Variants in PTPRN2 observed in about 807,000 individuals in gnomAD.
PTPRN2 encodes the protein protein tyrosine phosphatase receptor type N2.
PTPRN2 carries 74 observed loss-of-function variants against 118.8 expected under a neutral mutation model. The observed-to-expected ratio is 0.62, with a 90% confidence interval of 0.52 to 0.76. The LOEUF is 0.76. Ranked by LOEUF, PTPRN2 falls within the 30% of genes least tolerant of loss-of-function variation. PTPRN2 has a pLI of 0.00. For missense variants in PTPRN2, 1,481 were observed against 1,394.4 expected (o/e 1.06, Z -0.99); for synonymous variants, 641 against 608.0 (o/e 1.05, Z -0.80).
At chr7:158,070,520 C>CTG (rs1811197966) in intron 11 of PTPRN2, among the ~76,000 whole-genome samples, 1 of 73,216 alleles carries the variant, frequency 1.4e-5, no homozygotes, top group Non-Finnish European at 2.4e-5. Context: ...GGAGGTGCTC[C>CTG]TGGTGGTGGA....
chr7:158,120,296 G>A (rs1040440064), intron 9 of PTPRN2, among the ~76,000 whole-genome samples: 15 of 152,258 alleles, frequency 9.9e-5, no homozygotes, highest in African/African-American at 2.6e-4. Context: ...AAATGTTAAC[G>A]CTACTGAATT....
At chr7:157,658,601 G>A (rs1192350646) in intron 13 of PTPRN2, among the ~76,000 whole-genome samples, 4 of 152,330 alleles carry the variant, frequency 2.6e-5, no homozygotes, top group South Asian at 2.1e-4. Context: ...AGAACACGCC[G>A]GGACCCCGCT....
chr7:158,374,438 T>G (rs1265383278), intron 2 of PTPRN2, among the ~76,000 whole-genome samples: 1 of 151,810 alleles, frequency 6.6e-6, no homozygotes, highest in African/African-American at 2.4e-5. Context: ...CACACCTCAA[T>G]ATCAACAGCG....
rs528835863 is a variant in PTPRN2, at chr7:157,702,932, A to C, written c.1789-19995T>G. On this transcript the variant is annotated intron_variant, in intron 12 of 22. Transcript: ENST00000389418. ...CTGAGGGGCCAAAATAGCTGTTTTC[A>C]AGCTGCTGCTGTTGGAGACCGGTCT... Among the ~76,000 whole-genome samples the C allele has an allele frequency of 2.0e-5, 3 of 152,306 alleles. No individual in the cohort carries two copies. The South Asian group carries it at 6.2e-4, about 32-fold the overall frequency.
At chr7:157,805,517 G>C (rs1353303966) in intron 12 of PTPRN2, among the ~76,000 whole-genome samples, 1 of 152,186 alleles carries the variant, frequency 6.6e-6, no homozygotes, top group Non-Finnish European at 1.5e-5. Flanking sequence ...GAATTTAAAT[G>C]AGCACCAGGG....
In PTPRN2 at chr7:158,376,615, G is replaced by A. The variant is rs559165214; in HGVS notation, c.164-59683C>T. 2.3e-5 allele frequency among the ~76,000 whole-genome samples: 2 copies of A among 87,460 alleles called. 1 individual carries two copies. Among genetic ancestry groups the A allele is most frequent in the African/African-American group, 1.0e-4 (2 of 19,280 alleles). The allele number at this position is 87,460 out of a possible 152,430, so 57.4% of individuals were successfully genotyped here. A position where few individuals can be genotyped will look rare whatever the true frequency, so the allele number is the denominator to read the frequency against. ...ACAGCCCTGTCACACGTCCTGAGAG[G>A]GGGGTCAGGGGACTCCCCCACAGCC... is the stretch of plus-strand genomic sequence containing the variant. On this transcript the variant is annotated intron_variant, in intron 2 of 22. Transcript: ENST00000389418.
At chr7:157,548,631 C>T (rs1007180165) in intron 22 of PTPRN2, among the ~76,000 whole-genome samples, 4 of 152,196 alleles carry the variant, frequency 2.6e-5, no homozygotes, top group Admixed American at 2.0e-4. Context: ...TGGGATTTAT[C>T]GTCAACCTCT....
intron 5 of PTPRN2, among the ~76,000 whole-genome samples, chr7:158,177,243 T>C (rs563241344): frequency 6.6e-6 from 1 of 152,096 alleles, no homozygotes; most frequent in East Asian, 1.9e-4. Context: ...TCATCAAGAG[T>C]TGGTTTTATG....
At chr7:158,013,321 T>C (rs1262000289) in intron 11 of PTPRN2, among the ~76,000 whole-genome samples, 2 of 152,146 alleles carry the variant, frequency 1.3e-5, no homozygotes, top group African/African-American at 2.4e-5. Context: ...ATCAGAGCTA[T>C]TGCAATTGCT....
chr7:157,684,844 C>T (rs1233331784), intron 12 of PTPRN2, among the ~76,000 whole-genome samples: 1 of 152,024 alleles, frequency 6.6e-6, no homozygotes, highest in Non-Finnish European at 1.5e-5. Context: ...GCAGCCCCGC[C>T]CTGTGCCCTC....
chr7:158,219,307 C>T (rs1828175256), intron 3 of PTPRN2, among the ~76,000 whole-genome samples: 1 of 152,080 alleles, frequency 6.6e-6, no homozygotes, highest in Admixed American at 6.6e-5. Flanking sequence ...CATTTTGCTC[C>T]TAGATGACTT....
intron 1 of PTPRN2, among the ~76,000 whole-genome samples, chr7:158,558,850 C>A (rs1183110335): frequency 6.6e-6 from 1 of 151,646 alleles, no homozygotes; most frequent in Admixed American, 6.6e-5. Context: ...TCAGACTGCA[C>A]ACCAAGAGAT....
intron 9 of PTPRN2, among the ~76,000 whole-genome samples, 159 bp from the exon 10 acceptor site, chr7:158,111,074 A>G (rs1816220129): frequency 6.6e-6 from 1 of 152,166 alleles, no homozygotes; most frequent in Admixed American, 6.5e-5. Context: ...GAGTCACCTG[A>G]GTTTCCAGCA....
intron 11 of PTPRN2, among the ~76,000 whole-genome samples, chr7:157,952,244 C>A (rs1022027767): frequency 2.0e-5 from 3 of 152,150 alleles, no homozygotes; most frequent in African/African-American, 7.2e-5. Context: ...GGGCCGAACC[C>A]CGCAGGACAA....
At chr7:158,199,823 C>A (rs1165097966) in intron 4 of PTPRN2, among the ~76,000 whole-genome samples, 1 of 152,130 alleles carries the variant, frequency 6.6e-6, no homozygotes, top group Admixed American at 6.5e-5. Flanking sequence ...ACTAGGGGAG[C>A]CTGGTTAGAA....
At chr7:158,204,072 G>C (rs930683900) in intron 4 of PTPRN2, among the ~76,000 whole-genome samples, 2 of 151,792 alleles carry the variant, frequency 1.3e-5, no homozygotes, top group Non-Finnish European at 2.9e-5. Context: ...CCCTCAGCGA[G>C]CGCCGTGTGG....
rs558042625 is a variant in PTPRN2, at chr7:157,719,764, G to C, written c.1789-36827C>G. On this transcript the variant is annotated intron_variant, in intron 12 of 22. Transcript: ENST00000389418. ...TCTGAAGACAGCCTCTGCAATCTCC[G>C]GCCTTCCCGCAGTTGCCCGCGTACT... 5.0e-4 allele frequency among the ~76,000 whole-genome samples: 76 copies of C among 152,338 alleles called. 1 individual carries two copies. Among genetic ancestry groups the C allele is most frequent in the Middle Eastern group, 6.8e-3 (2 of 294 alleles).
At chr7:157,817,878 G>A (rs1269560605) in intron 12 of PTPRN2, among the ~76,000 whole-genome samples, 1 of 152,052 alleles carries the variant, frequency 6.6e-6, no homozygotes, top group Non-Finnish European at 1.5e-5. Context: ...TGCACATGAT[G>A]TTTGTGTGGT....
Position 157,861,078 on chromosome 7 carries a change from C to A in PTPRN2, c.1788+37595G>T, listed in dbSNP as rs1168462861. On this transcript the variant is annotated intron_variant, in intron 12 of 22. Coordinates refer to ENST00000389418, the MANE Select transcript of PTPRN2 (RefSeq NM_002847.5). This position sits in a 1 kb window ranked among gnomAD's most constrained non-coding sequence, Gnocchi z 5.8. ...TCTTGTGGGGGTTGGAAGAGGAACC[C>A]CACGGCACAGCGGACACCATGTGGG... is the stretch of plus-strand genomic sequence containing the variant. 6.6e-6 allele frequency among the ~76,000 whole-genome samples: 1 copy of A among 152,180 alleles called. No individual in the cohort carries two copies. The highest frequency in any genetic ancestry group is 2.4e-5 in the African/African-American group (1 of 41,436).
Sources: allele counts gnomAD v4.1 joint callset (sites outside exome capture counted in the v4.1 genomes callset), GRCh38; gene constraint gnomAD v4.1.1; non-coding constraint Gnocchi (gnomAD v3.1); transcripts MANE v1.5; gene names NCBI Gene and HGNC (gene_info 2026-07-23, HGNC 2026-07-21).